The following LRMDA variants were observed in gnomAD, a reference collection of about 807,000 sequenced individuals.
LRMDA encodes the protein leucine rich melanocyte differentiation associated.
LRMDA carries 18 observed loss-of-function variants against 29.8 expected under a neutral mutation model. The ratio of observed to expected loss-of-function variants is 0.60; its 90% confidence interval spans 0.42 to 0.90. The LOEUF is 0.90. Ranked by LOEUF, LRMDA falls within the 40% of genes least tolerant of loss-of-function variation. LRMDA has a pLI of 0.00. For synonymous variants in LRMDA, 125 were observed against 109.4 expected (o/e 1.14, Z -0.89); for missense variants, 273 against 273.9 (o/e 1.00, Z 0.02).
intron 2 of LRMDA, among the ~76,000 whole-genome samples, chr10:75,610,841 C>T (rs1841020636): frequency 6.6e-6 from 1 of 152,178 alleles, no homozygotes; most frequent in South Asian, 2.1e-4. Context: ...ATAGCAAACC[C>T]TTTCTTTGGC....
At chr10:75,972,581 G>T (rs1035664486) in intron 2 of LRMDA, among the ~76,000 whole-genome samples, 1 of 152,004 alleles carries the variant, frequency 6.6e-6, no homozygotes, top group Non-Finnish European at 1.5e-5. Flanking sequence ...CTCTCTTTAA[G>T]AAAAGAGTCG....
chr10:75,954,004 G>A (rs1052887919), intron 2 of LRMDA, among the ~76,000 whole-genome samples: 6 of 152,172 alleles, frequency 3.9e-5, no homozygotes, highest in Admixed American at 1.3e-4. Context: ...AGAGAGAGAG[G>A]GATTTGACAT....
intron 2 of LRMDA, among the ~76,000 whole-genome samples, chr10:75,579,672 A>G (rs555672184): frequency 6.6e-5 from 10 of 152,338 alleles, no homozygotes; most frequent in Non-Finnish European, 2.9e-5. Flanking sequence ...AAAATCCTCA[A>G]TAAAATACTG....
chr10:75,904,718 G>A (rs1225754992), intron 2 of LRMDA, among the ~76,000 whole-genome samples: 3 of 152,138 alleles, frequency 2.0e-5, no homozygotes, highest in African/African-American at 7.2e-5. Context: ...TGCGGCCTGA[G>A]ACCAAGTCAA....
In LRMDA at chr10:76,549,046, A is replaced by G. The variant is rs748820117; in HGVS notation, c.602-8163A>G. ...TTTCCATTTTCCACTGACAGATTAT[A>G]TGACAGACTATATGAGGAACTTGCC... On this transcript the variant is annotated intron_variant, in intron 6 of 6. Transcript: ENST00000611255. Among the ~76,000 whole-genome samples, 14 of 152,154 alleles carry G rather than the reference A, an allele frequency of 9.2e-5. No individual in the cohort carries two copies. In the South Asian group the frequency reaches 1.0e-3, roughly 11 times the overall value.
chr10:75,494,515 CTTTTTTT>C (rs34902194), intron 2 of LRMDA, among the ~76,000 whole-genome samples: 6 of 102,868 alleles, frequency 5.8e-5, no homozygotes, highest in South Asian at 6.8e-4. Context: ...ATGTTTGTTC[CTTTTTTT>C]TTTTTTTTTT....
intron 4 of LRMDA, among the ~76,000 whole-genome samples, chr10:76,052,717 T>A (rs1272955623): frequency 6.6e-6 from 1 of 152,134 alleles, no homozygotes; most frequent in Admixed American, 6.5e-5. Context: ...ATTTAGGAAA[T>A]CTGTTTCCAG....
At chr10:76,469,085 A>C (rs960707519) in intron 6 of LRMDA, among the ~76,000 whole-genome samples, 5 of 152,194 alleles carry the variant, frequency 3.3e-5, no homozygotes, top group African/African-American at 1.2e-4. Context: ...ATTTAAGAGC[A>C]ACTACTAAAA....
At chr10:76,509,499 T>C (rs1842988399) in intron 6 of LRMDA, among the ~76,000 whole-genome samples, 1 of 152,198 alleles carries the variant, frequency 6.6e-6, no homozygotes, top group South Asian at 2.1e-4. Flanking sequence ...AGACTGGGTG[T>C]ACATGCTAAT....
intron 2 of LRMDA, among the ~76,000 whole-genome samples, chr10:75,831,650 C>G (rs1412568916): frequency 6.6e-6 from 1 of 152,190 alleles, no homozygotes; most frequent in African/African-American, 2.4e-5. Flanking sequence ...GCTCCAATCC[C>G]ACATTTCCTG....
At chr10:75,671,179 A>G (rs1302795665) in intron 2 of LRMDA, among the ~76,000 whole-genome samples, 1 of 152,202 alleles carries the variant, frequency 6.6e-6, no homozygotes, top group Admixed American at 6.5e-5. Context: ...TTTTAAGTCT[A>G]AATTTATTAT....
chr10:76,049,011 C>G (rs1477183824), intron 4 of LRMDA, among the ~76,000 whole-genome samples: 4 of 152,180 alleles, frequency 2.6e-5, no homozygotes, highest in Non-Finnish European at 5.9e-5. Flanking sequence ...TTGGCCATCT[C>G]AGATGCCCAC....
chr10:75,968,890 G>A (rs985896103), intron 2 of LRMDA, among the ~76,000 whole-genome samples: 4 of 152,118 alleles, frequency 2.6e-5, no homozygotes, highest in Non-Finnish European at 4.4e-5. Flanking sequence ...TGGCTATTGA[G>A]TTTGGTAAAT....
intron 6 of LRMDA, among the ~76,000 whole-genome samples, chr10:76,327,256 TA>T (rs1840847014): frequency 2.0e-5 from 3 of 152,060 alleles, no homozygotes; most frequent in Admixed American, 2.0e-4. Context: ...CATGCCTGGC[TA>T]ATTTTTTGTA....
At chr10:75,477,828 G>A (rs1168253613) in intron 2 of LRMDA, among the ~76,000 whole-genome samples, 1 of 152,270 alleles carries the variant, frequency 6.6e-6, no homozygotes, top group African/African-American at 2.4e-5. Flanking sequence ...CCCAGGCACT[G>A]CTGCTCATTT....
intron 2 of LRMDA, among the ~76,000 whole-genome samples, chr10:75,850,558 C>T (rs1206209261): frequency 6.6e-6 from 1 of 152,068 alleles, no homozygotes. Flanking sequence ...TCTGGGTTTC[C>T]AAGAGGTACA....
intron 5 of LRMDA, among the ~76,000 whole-genome samples, chr10:76,301,522 C>T (rs534102913): frequency 4.6e-5 from 7 of 152,254 alleles, no homozygotes; most frequent in African/African-American, 1.2e-4. Context: ...TGCTTCATCA[C>T]GTTTTAGGAA....
rs552998554 is a variant in LRMDA, at chr10:75,431,687, C to T, written c.-38C>T. The stretch of plus-strand genomic sequence containing the variant: ...CTCCCCGCTGCTGCCGCCGCGCCCC[C>T]GCGCTCCGTCCCGCGCGCCCGCAGC... On this transcript the variant is annotated 5_prime_UTR_variant, in exon 1 of 7. Coordinates refer to ENST00000611255, the MANE Select transcript of LRMDA (RefSeq NM_001305581.2). 2 of 1,280,590 alleles carry T rather than the reference C, an allele frequency of 1.6e-6. No homozygotes were observed. Among genetic ancestry groups the T allele is most frequent in the Non-Finnish European group, 9.8e-7 (1 of 1,019,706 alleles). The allele number at this position is 1,280,590 out of a possible 1,614,324, so 79.3% of individuals were successfully genotyped here.
At chr10:76,376,153 C>A (rs1036511482) in intron 6 of LRMDA, among the ~76,000 whole-genome samples, 1 of 151,766 alleles carries the variant, frequency 6.6e-6, no homozygotes, top group Non-Finnish European at 1.5e-5. Flanking sequence ...CCTCAGCCAC[C>A]CCTCCACCTT....
Sources: allele counts gnomAD v4.1 joint callset (sites outside exome capture counted in the v4.1 genomes callset), GRCh38; gene constraint gnomAD v4.1.1; transcripts MANE v1.5; gene names NCBI Gene and HGNC (gene_info 2026-07-23, HGNC 2026-07-21).